The following FAM228B variants were observed in gnomAD, a reference collection of about 807,000 sequenced individuals.
The protein encoded by FAM228B is protein FAM228B.
FAM228B carries 38 observed loss-of-function variants against 42.6 expected under a neutral mutation model. The observed-to-expected ratio is 0.89, with a 90% CI of 0.69 to 1.17. FAM228B has a LOEUF of 1.17. FAM228B is among the 50% of genes most tolerant of loss of function. The pLI, the probability that FAM228B is intolerant of heterozygous loss-of-function variation, is 0.00. For synonymous variants in FAM228B, 109 were observed against 122.3 expected (o/e 0.89, Z 0.72); for missense variants, 344 against 367.3 (o/e 0.94, Z 0.52).
At chr2:24,136,503 C>A (rs557083608) in intron 3 of FAM228B, among the ~76,000 whole-genome samples, 4 of 152,284 alleles carry the variant, frequency 2.6e-5, no homozygotes, top group Non-Finnish European at 5.9e-5. Context: ...GGATTACAGG[C>A]GTGGGATTGC....
chr2:24,119,626 G>A (rs1666032146), upstream of FAM228B: 2 of 1,613,974 alleles, frequency 1.2e-6, no homozygotes, highest in African/African-American at 1.3e-5. Flanking sequence ...TGCCCTCAGT[G>A]TAAGTTGCTA....
chr2:24,133,861 A>G (rs1268980475), intron 2 of FAM228B, among the ~76,000 whole-genome samples: 1 of 152,320 alleles, frequency 6.6e-6, no homozygotes, highest in East Asian at 1.9e-4. Flanking sequence ...ACAGTGCGCT[A>G]TGATCATACT....
intron 7 of FAM228B, among the ~76,000 whole-genome samples, chr2:24,148,931 C>A (rs1434877466): frequency 5.9e-5 from 9 of 152,010 alleles, no homozygotes; most frequent in Non-Finnish European, 2.9e-5. Flanking sequence ...TCCATGAGTT[C>A]GATTGTTTTG....
chr2:24,159,841 T>A (rs1667247079), intron 7 of FAM228B, among the ~76,000 whole-genome samples: 1 of 152,242 alleles, frequency 6.6e-6, no homozygotes, highest in South Asian at 2.1e-4. Flanking sequence ...ATTCTCTTGT[T>A]ATTTGGCTTC....
At chr2:24,159,989 A>ATT (rs35525139) in intron 7 of FAM228B, among the ~76,000 whole-genome samples, 4 of 113,890 alleles carry the variant, frequency 3.5e-5, no homozygotes, top group South Asian at 2.8e-4. Flanking sequence ...TTTTCTTTTC[A>ATT]TTTTTTTTTT....
At chr2:24,127,068 CA>C (rs1185942712) in intron 2 of FAM228B, among the ~76,000 whole-genome samples, 2 of 152,088 alleles carry the variant, frequency 1.3e-5, no homozygotes, top group Non-Finnish European at 1.5e-5. Flanking sequence ...TCATCACCCC[CA>C]AAAAGAAACT....
chr2:24,101,558 T>C (rs1665604560), intron 3 of FAM228B, among the ~76,000 whole-genome samples: 1 of 152,194 alleles, frequency 6.6e-6, no homozygotes, highest in Non-Finnish European at 1.5e-5. Context: ...ATTGGAAATA[T>C]ATTCTTAATG....
intron 3 of FAM228B, among the ~76,000 whole-genome samples, chr2:24,107,101 A>G (rs1280611891): frequency 6.6e-6 from 1 of 152,190 alleles, no homozygotes; most frequent in East Asian, 1.9e-4. Context: ...AAGCAAACAG[A>G]AAACAGAAAA....
intron 2 of FAM228B, among the ~76,000 whole-genome samples, chr2:24,126,229 A>G (rs1056027083): frequency 2.6e-5 from 4 of 152,188 alleles, no homozygotes; most frequent in Non-Finnish European, 4.4e-5. Context: ...ATTTAACTTT[A>G]TGAAGCTGCC....
chr2:24,081,249 T>A (rs1292375088), intron 2 of FAM228B, among the ~76,000 whole-genome samples: 1 of 152,228 alleles, frequency 6.6e-6, no homozygotes, highest in Non-Finnish European at 1.5e-5. Context: ...AAAGAGCATA[T>A]TGACGACCTT....
chr2:24,102,476 G>A (rs185809103), intron 3 of FAM228B, among the ~76,000 whole-genome samples: 10 of 152,250 alleles, frequency 6.6e-5, no homozygotes, highest in African/African-American at 1.7e-4. Context: ...GGTGGCTCAC[G>A]CCTGTAATTC....
chr2:24,158,196 C>CTTTTTTTTTTTTTTTTTTTTTTTTT lies in FAM228B; in HGVS notation c.687-3293_687-3292insTTTTTTTTTTTTTTTTTTTTTTTTT, dbSNP rs1322122366. Reference sequence around the variant, plus strand: ...ATGCTGGGCTTTCTCTCTGAACCTCCTTTTTTTTTTTTTTTTTCCAAAACA... The same window carrying CTTTTTTTTTTTTTTTTTTTTTTTTT: ...ATGCTGGGCTTTCTCTCTGAACCTCCTTTTTTTTTTTTTTTTTTTTTTTTTTTTTTTTTTTTTTTTTTCCAAAACA... On this transcript the variant is annotated intron_variant, in intron 7 of 10. Coordinates refer to ENST00000615575, the MANE Select transcript of FAM228B (RefSeq NM_001145710.2). Among the ~76,000 whole-genome samples the CTTTTTTTTTTTTTTTTTTTTTTTTT allele has an allele frequency of 1.7e-4, 9 of 53,202 alleles. 2 individuals are homozygous for CTTTTTTTTTTTTTTTTTTTTTTTTT. Among genetic ancestry groups the CTTTTTTTTTTTTTTTTTTTTTTTTT allele is most frequent in the African/African-American group, 4.6e-4 (5 of 10,776 alleles). The allele number at this position is 53,202 out of a possible 152,430, so 34.9% of individuals were successfully genotyped here. A position where few individuals can be genotyped will look rare whatever the true frequency, so the allele number is the denominator to read the frequency against.
intron 2 of FAM228B, among the ~76,000 whole-genome samples, chr2:24,126,801 A>G (rs1666319454): frequency 1.9e-5 from 2 of 105,182 alleles, no homozygotes; most frequent in Non-Finnish European, 3.8e-5. Context: ...ATTTTTACAA[A>G]AAAAAAGTAG....
At chr2:24,123,958 CTG>C (rs1428252076) in intron 1 of FAM228B, among the ~76,000 whole-genome samples, 3 of 152,208 alleles carry the variant, frequency 2.0e-5, no homozygotes, top group Non-Finnish European at 2.9e-5. Context: ...GCAGCTCAGC[CTG>C]TGTTTCTGTG....
intron 2 of FAM228B, among the ~76,000 whole-genome samples, chr2:24,134,758 G>A (rs535072272): frequency 1.3e-5 from 2 of 152,234 alleles, no homozygotes; most frequent in East Asian, 1.9e-4. Context: ...TGAGACCAGC[G>A]AGGCCAACAT....
chr2:24,121,405 T>C, upstream of FAM228B: 1 of 1,106,476 alleles, frequency 9.0e-7, no homozygotes, highest in African/African-American at 1.6e-5. Flanking sequence ...TAAGAATGGT[T>C]TTCATGTTTT....
chr2:24,143,959 G>A (rs72797831), intron 5 of FAM228B, among the ~76,000 whole-genome samples: 39,651 of 148,732 alleles, frequency 0.27, 6,049 homozygotes, highest in Non-Finnish European at 0.35. Flanking sequence ...GTTGCAGTAA[G>A]CTGAGATTGT....
Position 24,169,555 on chromosome 2 carries a change from T to C in FAM228B, c.*214T>C. Reference sequence around the variant, plus strand: ...TTTTGAGTTCAGTGTCTGTGATAATTAAGAAATGGCAATACCATGTATTTT... The same window carrying C: ...TTTTGAGTTCAGTGTCTGTGATAATCAAGAAATGGCAATACCATGTATTTT... On this transcript the variant is annotated 3_prime_UTR_variant, in exon 11 of 11. Transcript: ENST00000615575. The surrounding 1 kb of genome is among the most constrained non-coding windows in gnomAD (Gnocchi z 4.2). The C allele has an allele frequency of 3.5e-6, 1 of 288,590 alleles. No individual in the cohort carries two copies. Among genetic ancestry groups the C allele is most frequent in the Non-Finnish European group, 7.8e-6 (1 of 128,938 alleles). The allele number at this position is 288,590 out of a possible 1,614,324, so 17.9% of individuals were successfully genotyped here.
intron 2 of FAM228B, among the ~76,000 whole-genome samples, 190 bp from the exon 3 acceptor site, chr2:24,134,929 G>A (rs539653279): frequency 6.6e-6 from 1 of 152,272 alleles, no homozygotes; most frequent in South Asian, 2.1e-4. Context: ...CAGCAGCCTA[G>A]GCGACAGAAC....
Sources: allele counts gnomAD v4.1 joint callset (sites outside exome capture counted in the v4.1 genomes callset), GRCh38; gene constraint gnomAD v4.1.1; non-coding constraint Gnocchi (gnomAD v3.1); transcripts MANE v1.5; gene names NCBI Gene and HGNC (gene_info 2026-07-23, HGNC 2026-07-21).